Variants in HCN1 observed in about 807,000 individuals in gnomAD.
The protein encoded by HCN1 is hyperpolarization activated cyclic nucleotide gated potassium channel 1.
A neutral mutation model predicts 78.9 loss-of-function variants in HCN1; 13 were observed. The ratio of observed to expected loss-of-function variants is 0.16; its 90% confidence interval spans 0.11 to 0.26. The LOEUF (loss-of-function observed/expected upper bound fraction) is 0.26. HCN1 is among the 10% of genes least tolerant of loss of function. The probability of loss-of-function intolerance (pLI) is 1.00; values close to 1 mark genes in which losing one functional copy is unlikely to be tolerated. For synonymous variants in HCN1, 552 were observed against 455.5 expected (o/e 1.21, Z -2.70); for missense variants, 810 against 1,154.3 (o/e 0.70, Z 4.32).
chr5:45,504,272 C>T (rs1320157354), intron 2 of HCN1, among the ~76,000 whole-genome samples: 1 of 152,046 alleles, frequency 6.6e-6, no homozygotes, highest in African/African-American at 2.4e-5. Flanking sequence ...CACAACAGGC[C>T]CCGGTGTGTG....
At chr5:45,601,805 C>T (rs1744630777) in intron 2 of HCN1, among the ~76,000 whole-genome samples, 1 of 152,130 alleles carries the variant, frequency 6.6e-6, no homozygotes, top group African/African-American at 2.4e-5. Context: ...AAAGTGTGCC[C>T]TTATGGGCTG....
At chr5:45,343,317 T>G (rs975134586) in intron 5 of HCN1, among the ~76,000 whole-genome samples, 1 of 152,176 alleles carries the variant, frequency 6.6e-6, no homozygotes, top group African/African-American at 2.4e-5. Flanking sequence ...GACTAACTTA[T>G]GTAAATAAAA....
chr5:45,331,007 T>C (rs556616202), intron 5 of HCN1, among the ~76,000 whole-genome samples: 7 of 151,374 alleles, frequency 4.6e-5, no homozygotes, highest in Non-Finnish European at 7.4e-5. Flanking sequence ...AAATATATAA[T>C]TTAGATGATA....
intron 2 of HCN1, among the ~76,000 whole-genome samples, chr5:45,639,861 T>G (rs1745420292): frequency 6.6e-6 from 1 of 152,116 alleles, no homozygotes; most frequent in Non-Finnish European, 1.5e-5. Context: ...GTAAATCCCC[T>G]GCCTAAAATG....
chr5:45,490,018 T>C (rs973087045), intron 2 of HCN1, among the ~76,000 whole-genome samples: 3 of 152,194 alleles, frequency 2.0e-5, no homozygotes, highest in Admixed American at 6.5e-5. Context: ...GTATTTTACT[T>C]GGCAAACCTA....
chr5:45,320,465 A>G (rs1044020594), intron 5 of HCN1, among the ~76,000 whole-genome samples: 1 of 151,884 alleles, frequency 6.6e-6, no homozygotes, highest in African/African-American at 2.4e-5. Flanking sequence ...TATTGTCTAA[A>G]TGTTTTACAA....
At chr5:45,532,487 T>G (rs982372184) in intron 2 of HCN1, among the ~76,000 whole-genome samples, 2 of 152,218 alleles carry the variant, frequency 1.3e-5, no homozygotes, top group African/African-American at 2.4e-5. Context: ...AACATAAGAA[T>G]CATTTACAGT....
chr5:45,374,301 GTATACATTA>G (rs71000632), intron 4 of HCN1, among the ~76,000 whole-genome samples: 24,194 of 123,872 alleles, frequency 0.2, 2,722 homozygotes, highest in East Asian at 0.34. Context: ...TATATATATT[GTATACATTA>G]TATACATTAT....
intron 2 of HCN1, among the ~76,000 whole-genome samples, chr5:45,529,356 G>C (rs1289241468): frequency 6.6e-6 from 1 of 151,622 alleles, no homozygotes. Flanking sequence ...CAGAGCCCAG[G>C]TAAAGCCCAA....
chr5:45,576,499 C>T (rs1335410089), intron 2 of HCN1: 1 of 151,988 alleles, frequency 6.6e-6, no homozygotes, highest in African/African-American at 2.4e-5. Flanking sequence ...CCTATTCTAA[C>T]AAATTGCCAC....
chr5:45,398,200 T>C (rs1343612827), intron 3 of HCN1, among the ~76,000 whole-genome samples: 4 of 152,052 alleles, frequency 2.6e-5, no homozygotes, highest in South Asian at 2.1e-4. Context: ...CAATTTCACA[T>C]TGAATTTAGT....
At chr5:45,457,307 A>G (rs1741047772) in intron 3 of HCN1, among the ~76,000 whole-genome samples, 1 of 152,098 alleles carries the variant, frequency 6.6e-6, no homozygotes. Context: ...AATTTTAACA[A>G]AAACCCATTA....
At position 45,390,227 on chromosome 5, in the gene HCN1, T is replaced by C. The variant is rs142953279; in HGVS notation, c.1230+6265A>G. Among the ~76,000 whole-genome samples the C allele has an allele frequency of 3.0e-3, 453 of 152,280 alleles. 2 individuals are homozygous for C. The highest frequency in any genetic ancestry group is 0.01 in the African/African-American group (429 of 41,572). On this transcript the variant is annotated intron_variant, in intron 4 of 7. Coordinates refer to ENST00000303230, the MANE Select transcript of HCN1 (RefSeq NM_021072.4). Reference sequence around the variant, plus strand: ...AGTAAAGCGGCTAACCAAACACAAGTTACATGCAGGTTGATTCTTGTCAAT... The same window carrying C: ...AGTAAAGCGGCTAACCAAACACAAGCTACATGCAGGTTGATTCTTGTCAAT...
intron 2 of HCN1, among the ~76,000 whole-genome samples, chr5:45,631,862 G>A (rs934486651): frequency 6.6e-6 from 1 of 152,128 alleles, no homozygotes; most frequent in Non-Finnish European, 1.5e-5. Context: ...ACAAATTTAA[G>A]TTGTAGTTCT....
intron 2 of HCN1, among the ~76,000 whole-genome samples, chr5:45,608,780 T>C (rs1480747214): frequency 6.6e-6 from 1 of 151,930 alleles, no homozygotes; most frequent in Non-Finnish European, 1.5e-5. Context: ...AACTGACTAC[T>C]ATCAAATTAA....
At chr5:45,462,989 T>C (rs1184226455) in intron 2 of HCN1, among the ~76,000 whole-genome samples, 3 of 152,036 alleles carry the variant, frequency 2.0e-5, no homozygotes, top group Non-Finnish European at 4.4e-5. Flanking sequence ...TTGTTATAAT[T>C]GTTAAGGAAT....
intron 3 of HCN1, among the ~76,000 whole-genome samples, chr5:45,414,274 C>G (rs1740077046): frequency 1.3e-5 from 2 of 152,006 alleles, no homozygotes; most frequent in Non-Finnish European, 2.9e-5. Flanking sequence ...TCTCCCTCCT[C>G]CATGCCTCAC....
chr5:45,664,199 A>G, intron 1 of HCN1, among the ~76,000 whole-genome samples: 1 of 77,004 alleles, frequency 1.3e-5, no homozygotes, highest in Non-Finnish European at 2.5e-5. Flanking sequence ...TCAGTAAACT[A>G]TCGCAAGAAC....
At chr5:45,670,839 T>C (rs1746137043) in intron 1 of HCN1, among the ~76,000 whole-genome samples, 1 of 151,632 alleles carries the variant, frequency 6.6e-6, no homozygotes, top group Admixed American at 6.6e-5. Context: ...TTATCCACAA[T>C]ATCATCTAAG....
Sources: allele counts gnomAD v4.1 joint callset (sites outside exome capture counted in the v4.1 genomes callset), GRCh38; gene constraint gnomAD v4.1.1; transcripts MANE v1.5; gene names NCBI Gene and HGNC (gene_info 2026-07-23, HGNC 2026-07-21).